The following RAB6D variants were observed in gnomAD, a reference collection of about 807,000 sequenced individuals.
RAB6D encodes RAB6D, member RAS oncogene family.
Under a neutral mutation model 17.5 loss-of-function variants are expected in RAB6D, and 11 were observed. The observed-to-expected ratio is 0.63, with a 90% confidence interval of 0.39 to 1.04. RAB6D has a LOEUF of 1.04. Among genes scored for constraint, RAB6D ranks in the 50% least tolerant of loss-of-function variants. The pLI, the probability that RAB6D is intolerant of heterozygous loss-of-function variation, is 0.00. For missense variants in RAB6D, 163 were observed against 315.1 expected, an observed-to-expected ratio of 0.52 and a Z score of 3.65; for synonymous variants, 68 against 122.6, an observed-to-expected ratio of 0.55 and a Z score of 2.94.
In RAB6D at chr2:131,360,671, T is replaced by C. The variant is rs993379781; in HGVS notation, c.*2285A>G. Among the ~76,000 whole-genome samples, 2 of 152,064 alleles carry C rather than the reference T, an allele frequency of 1.3e-5. No homozygotes were observed. The highest frequency in any genetic ancestry group is 2.4e-5 in the African/African-American group (1 of 41,416). ...AACACAATTTAATGAACAAAGGATA[T>C]AGACATTATACAAAATATGAAAACA... On this transcript the variant is annotated 3_prime_UTR_variant, in exon 1 of 1. Coordinates refer to ENST00000623617, the MANE Select transcript of RAB6D (RefSeq NM_001077637.3).
At position 131,363,320 on chromosome 2, in the gene RAB6D, C is replaced by T; in HGVS notation, c.401G>A (p.Arg134Lys). ...CTCTCCCTCCTCAATTGACACTTGC[C>T]TCTTGTCAGCAAGATCTGTTTTATT... is the stretch of plus-strand genomic sequence containing the variant. ...VGNKTDLADK[R>K]QVSIEEGERK... Residue 134 changes from arginine (R) to lysine (K), a missense_variant, in exon 1 of 1, where the codon AGG becomes AAG. This residue lies in a region of RAB6D where 144 missense variants were observed against 244.4 expected (regional missense o/e 0.59). Coordinates refer to ENST00000623617, the MANE Select transcript of RAB6D (RefSeq NM_001077637.3). The T allele has an allele frequency of 1.2e-6, 2 of 1,614,146 alleles. No individual in the cohort carries two copies. Among genetic ancestry groups the T allele is most frequent in the Non-Finnish European group, 1.7e-6 (2 of 1,180,050 alleles).
rs1331109932 is a variant in RAB6D at position 131,362,662 on chromosome 2, G to A, written c.*294C>T. ...ATCTCTTGTTTGTTTTGAGGAAGTG[G>A]GGGGAGGCTAGGTAAGAACACGGAA... On this transcript the variant is annotated 3_prime_UTR_variant, in exon 1 of 1. Coordinates refer to ENST00000623617, the MANE Select transcript of RAB6D (RefSeq NM_001077637.3). 4.9e-6 allele frequency: 1 copy of A among 205,052 alleles called. No homozygotes were observed. The highest frequency in any genetic ancestry group is 1.3e-4 in the East Asian group (1 of 7,830). The allele number at this position is 205,052 out of a possible 1,614,324, so 12.7% of individuals were successfully genotyped here. A position where few individuals can be genotyped will look rare whatever the true frequency, so the allele number is the denominator to read the frequency against.
At position 131,361,767 on chromosome 2, in the gene RAB6D, GTTAA is replaced by G. The variant is rs1346920092; in HGVS notation, c.*1185_*1188del. On this transcript the variant is annotated 3_prime_UTR_variant, in exon 1 of 1. Transcript: ENST00000623617. ...GCTTAAATATAAAACTAAATCATTA[GTTAA>G]TTAAACTATACAGATCTCATACAAA... 2 of 166,644 alleles carry G rather than the reference GTTAA, an allele frequency of 1.2e-5. No individual in the cohort carries two copies. Among genetic ancestry groups the G allele is most frequent in the African/African-American group, 2.4e-5 (1 of 41,366 alleles). The allele number at this position is 166,644 out of a possible 1,614,324, so 10.3% of individuals were successfully genotyped here.
rs1703419768 is a variant in RAB6D, at chr2:131,361,141, T to G, written c.*1815A>C. Reference sequence around the variant, plus strand: ...GTGAATCAATATTTATTTCAGGACATGCCATGTCAAAATAAAACAGAGTCA... The same window carrying G: ...GTGAATCAATATTTATTTCAGGACAGGCCATGTCAAAATAAAACAGAGTCA... On this transcript the variant is annotated 3_prime_UTR_variant, in exon 1 of 1. Transcript: ENST00000623617. 6.0e-6 allele frequency: 1 copy of G among 167,106 alleles called. No individual in the cohort carries two copies. Among genetic ancestry groups the G allele is most frequent in the African/African-American group, 2.4e-5 (1 of 41,474 alleles). The allele number at this position is 167,106 out of a possible 1,614,324, so 10.4% of individuals were successfully genotyped here.
Position 131,362,942 on chromosome 2 carries a change from G to A in RAB6D, c.*14C>T, listed in dbSNP as rs774632979. Reference sequence around the variant, plus strand: ...GAAGACGCTGACTTTTTTTGTGCTTGTCAAGCTAATAGATCATCTCCACGA... The same window carrying A: ...GAAGACGCTGACTTTTTTTGTGCTTATCAAGCTAATAGATCATCTCCACGA... On this transcript the variant is annotated 3_prime_UTR_variant, in exon 1 of 1. Transcript: ENST00000623617. 5.0e-6 allele frequency: 8 copies of A among 1,589,644 alleles called. No homozygotes were observed. The African/African-American group carries it at 5.4e-5, about 11-fold the overall frequency.
At position 131,361,978 on chromosome 2, in the gene RAB6D, T is replaced by G. The variant is rs561842877; in HGVS notation, c.*978A>C. ...TTTCCATCTTCAATTTGACCTCAAA[T>G]GTCCTGAGCAAAGTTTTTGCTCTTC... On this transcript the variant is annotated 3_prime_UTR_variant, in exon 1 of 1. Transcript: ENST00000623617. 1 of 167,198 alleles carries G rather than the reference T, an allele frequency of 6.0e-6. No homozygotes were observed. Among genetic ancestry groups the G allele is most frequent in the East Asian group, 1.9e-4 (1 of 5,188 alleles). The allele number at this position is 167,198 out of a possible 1,614,324, so 10.4% of individuals were successfully genotyped here.
rs1212967419 is a variant in RAB6D at position 131,361,888 on chromosome 2, T to A, written c.*1068A>T. The A allele has an allele frequency of 1.2e-5, 2 of 167,076 alleles. No individual in the cohort carries two copies. Among genetic ancestry groups the A allele is most frequent in the Non-Finnish European group, 2.9e-5 (2 of 68,110 alleles). 10.3% of individuals were successfully genotyped at this position (167,076 alleles called of 1,614,324 possible). ...ATTCAGTTTTATTTCCATTCTCTCC[T>A]TTCCCTCTACTATGTATGCTTTACC... On this transcript the variant is annotated 3_prime_UTR_variant, in exon 1 of 1. Coordinates refer to ENST00000623617, the MANE Select transcript of RAB6D (RefSeq NM_001077637.3).
rs1435365142 is a variant in RAB6D at position 131,362,315 on chromosome 2, C to T, written c.*641G>A. Reference sequence around the variant, plus strand: ...TAAATACTAAAAACCTGTTCTGAAGCACTTGGTTAATTTTCTCTCCCAGAG... The same window carrying T: ...TAAATACTAAAAACCTGTTCTGAAGTACTTGGTTAATTTTCTCTCCCAGAG... On this transcript the variant is annotated 3_prime_UTR_variant, in exon 1 of 1. Coordinates refer to ENST00000623617, the MANE Select transcript of RAB6D (RefSeq NM_001077637.3). The T allele has an allele frequency of 1.8e-5, 3 of 167,226 alleles. No individual in the cohort carries two copies. The highest frequency in any genetic ancestry group is 1.5e-5 in the Non-Finnish European group (1 of 68,268). 10.4% of individuals were successfully genotyped at this position (167,226 alleles called of 1,614,324 possible). A position where few individuals can be genotyped will look rare whatever the true frequency, so the allele number is the denominator to read the frequency against.
At position 131,362,944 on chromosome 2, in the gene RAB6D, C is replaced by G. The variant is rs13025418; in HGVS notation, c.*12G>C. The G allele has an allele frequency of 1.2e-3, 1,883 of 1,588,708 alleles. 6 individuals carry two copies. Among genetic ancestry groups the G allele is most frequent in the South Asian group, 2.6e-3 (233 of 88,222 alleles). On this transcript the variant is annotated 3_prime_UTR_variant, in exon 1 of 1. Coordinates refer to ENST00000623617, the MANE Select transcript of RAB6D (RefSeq NM_001077637.3). ...AGACGCTGACTTTTTTTGTGCTTGT[C>G]AAGCTAATAGATCATCTCCACGAGA...
rs1233559512 is a variant in RAB6D, at chr2:131,363,147, T to A, written c.574A>T (p.Lys192Ter). 1 of 1,608,744 alleles carries A rather than the reference T, an allele frequency of 6.2e-7. No individual in the cohort carries two copies. Among genetic ancestry groups the A allele is most frequent in the Non-Finnish European group, 8.5e-7 (1 of 1,176,554 alleles). The change falls in exon 1 of 1, where the codon AAA (lysine) becomes TAA (stop). Residue 192 changes from lysine (K) to a stop codon, truncating the protein, a stop_gained. Transcript: ENST00000623617. LOFTEE classifies it high-confidence loss of function. ...GTTTGCTCCTGAGGCTTTTCCAGTT[T>A]TATGTCACTCATGTCTTCTCTGCTT... ...DGSREDMSDI[K>*]LEKPQEQTVS...
In RAB6D at chr2:131,363,134, G is replaced by A; in HGVS notation, c.587C>T (p.Pro196Leu). Reference protein sequence around the residue: ...EDMSDIKLEKPQEQTVSEGGC... With the variant: ...EDMSDIKLEKLQEQTVSEGGC... ...CCCTTCGCTGACTGTTTGCTCCTGA[G>A]GCTTTTCCAGTTTTATGTCACTCAT... is the stretch of plus-strand genomic sequence containing the variant. Residue 196 changes from proline to leucine, a missense_variant, in exon 1 of 1, where the codon CCT becomes CTT. Physicochemically the swap from Pro to Leu is moderately conservative, Grantham distance 98. Around this residue, in one of 2 missense-constraint regions of RAB6D, gnomAD observed 144 missense variants for 244.4 expected, o/e 0.59. Transcript: ENST00000623617. The A allele has an allele frequency of 5.6e-6, 9 of 1,607,926 alleles. No individual in the cohort carries two copies. Among genetic ancestry groups the A allele is most frequent in the Non-Finnish European group, 7.7e-6 (9 of 1,175,894 alleles).
In RAB6D at chr2:131,363,350, A is replaced by G. The variant is rs1703449904; in HGVS notation, c.371T>C (p.Val124Ala). ...GTCAGCAAGATCTGTTTTATTTCCT[A>G]CTAGCGTGATGATAACATCACTTCC... ...EGGSDVIITL[V>A]GNKTDLADKR... Residue 124 changes from valine to alanine, a missense_variant, in exon 1 of 1, where the codon GTA becomes GCA. By Grantham distance (64) the Val-to-Ala change is moderately conservative. Transcript: ENST00000623617. The G allele has an allele frequency of 6.2e-7, 1 of 1,613,978 alleles. No individual in the cohort carries two copies. The highest frequency in any genetic ancestry group is 8.5e-7 in the Non-Finnish European group (1 of 1,180,018).
Position 131,364,087 on chromosome 2 carries a change from T to C in RAB6D, c.-367A>G. ...GGTGGCGGAGCCGGAACCGCAGACGTATCTGGGATCTCTCACGCGCGGCGC... is the reference window on the plus strand; with the variant it reads ...GGTGGCGGAGCCGGAACCGCAGACGCATCTGGGATCTCTCACGCGCGGCGC... On this transcript the variant is annotated 5_prime_UTR_variant, in exon 1 of 1. The change creates a new upstream start codon in the 5' untranslated region. Transcript: ENST00000623617. 7.4e-6 allele frequency: 1 copy of C among 134,304 alleles called. No individual in the cohort carries two copies. Among genetic ancestry groups the C allele is most frequent in the South Asian group, 1.7e-4 (1 of 5,840 alleles). 8.3% of individuals were successfully genotyped at this position (134,304 alleles called of 1,614,324 possible).
rs1703441376 is a variant in RAB6D at position 131,362,905 on chromosome 2, A to G, written c.*51T>C. The G allele has an allele frequency of 1.3e-6, 2 of 1,533,042 alleles. No individual in the cohort carries two copies. The highest frequency in any genetic ancestry group is 1.7e-6 in the Non-Finnish European group (2 of 1,146,876). The allele number at this position is 1,533,042 out of a possible 1,614,324, so 95.0% of individuals were successfully genotyped here. A position where few individuals can be genotyped will look rare whatever the true frequency, so the allele number is the denominator to read the frequency against. On this transcript the variant is annotated 3_prime_UTR_variant, in exon 1 of 1. Transcript: ENST00000623617. ...GCTGAAATAGTTTGGCTTTTTGTAA[A>G]ATATAAATAATGAAGACGCTGACTT...
chr2:131,363,281 C>G lies in RAB6D; in HGVS notation c.440G>C (p.Gly147Ala). The G allele has an allele frequency of 1.9e-6, 3 of 1,614,034 alleles. No homozygotes were observed. The highest frequency in any genetic ancestry group is 2.5e-6 in the Non-Finnish European group (3 of 1,180,028). ...SIEEGERKAK[G>A]LNVTFIETRA... ...AGTTTCAATAAACGTAACATTCAGC[C>G]CTTTGGCTTTCCTCTCTCCCTCCTC... The change falls in exon 1 of 1, where the codon GGG (glycine) becomes GCG (alanine). Residue 147 changes from glycine to alanine, a missense_variant. Gly to Ala is a moderately conservative substitution (Grantham distance 60). Transcript: ENST00000623617.
In RAB6D at chr2:131,363,188, T is replaced by C. The variant is rs368449994; in HGVS notation, c.533A>G (p.Glu178Gly). The change falls in exon 1 of 1, where the codon GAA becomes GGA. Residue 178 changes from glutamate to glycine, a missense_variant. Physicochemically the swap from Glu to Gly is moderately conservative, Grantham distance 98 (BLOSUM62 -2). Around this residue, in one of 2 missense-constraint regions of RAB6D, gnomAD observed 144 missense variants for 244.4 expected, o/e 0.59. Coordinates refer to ENST00000623617, the MANE Select transcript of RAB6D (RefSeq NM_001077637.3). ...RRVAAALPGM[E>G]STQDGSREDM... ...TTCTCTGCTTCCGTCCTGTGTGCTT[T>C]CCATTCCCGGCAAAGCTGCTGCTAC... 1.2e-6 allele frequency: 2 copies of C among 1,612,358 alleles called. No homozygotes were observed. The highest frequency in any genetic ancestry group is 2.7e-5 in the African/African-American group (2 of 74,352).
Position 131,360,875 on chromosome 2 carries a change from T to G in RAB6D, c.*2081A>C, listed in dbSNP as rs1042954547. Among the ~76,000 whole-genome samples, 2 of 152,208 alleles carry G rather than the reference T, an allele frequency of 1.3e-5. No individual in the cohort carries two copies. Among genetic ancestry groups the G allele is most frequent in the African/African-American group, 2.4e-5 (1 of 41,450 alleles). The stretch of plus-strand genomic sequence containing the variant: ...TTTTTAATTTTTGTTTTGTGTTTTA[T>G]TTATATATTTTTGGCAGCAAAATTG... On this transcript the variant is annotated 3_prime_UTR_variant, in exon 1 of 1. Coordinates refer to ENST00000623617, the MANE Select transcript of RAB6D (RefSeq NM_001077637.3).
Position 131,363,836 on chromosome 2 carries a change from C to A in RAB6D, c.-116G>T. 1 of 1,195,496 alleles carries A rather than the reference C, an allele frequency of 8.4e-7. No individual in the cohort carries two copies. The highest frequency in any genetic ancestry group is 1.2e-6 in the Non-Finnish European group (1 of 858,768). 74.1% of individuals were successfully genotyped at this position (1,195,496 alleles called of 1,614,324 possible). ...GGCGGGCGCCGAGCTCTCTGCGCCC[C>A]TGCAAGGGCCGGTGGAGGAGCCCGG... On this transcript the variant is annotated 5_prime_UTR_variant, in exon 1 of 1. It adds an upstream start codon to the 5' untranslated region. Coordinates refer to ENST00000623617, the MANE Select transcript of RAB6D (RefSeq NM_001077637.3).
At position 131,361,907 on chromosome 2, in the gene RAB6D, C is replaced by T. The variant is rs574063495; in HGVS notation, c.*1049G>A. On this transcript the variant is annotated 3_prime_UTR_variant, in exon 1 of 1. Transcript: ENST00000623617. ...CTCTCCTTTCCCTCTACTATGTATG[C>T]TTTACCTGATCTGCCTCTAGGGGCT... 6.0e-6 allele frequency: 1 copy of T among 167,024 alleles called. No homozygotes were observed. The highest frequency in any genetic ancestry group is 1.5e-5 in the Non-Finnish European group (1 of 68,106). The allele number at this position is 167,024 out of a possible 1,614,324, so 10.3% of individuals were successfully genotyped here. A position where few individuals can be genotyped will look rare whatever the true frequency, so the allele number is the denominator to read the frequency against.
Sources: allele counts gnomAD v4.1 joint callset (sites outside exome capture counted in the v4.1 genomes callset), GRCh38; gene constraint gnomAD v4.1.1; regional missense constraint gnomAD v4.1.1; transcripts MANE v1.5; gene names NCBI Gene and HGNC (gene_info 2026-07-23, HGNC 2026-07-21).